DNM3: variants seen among roughly 807,000 people sequenced by gnomAD.
The protein encoded by DNM3 is dynamin-3.
In DNM3, 47 loss-of-function variants were observed where a neutral mutation model predicts 101.6. The ratio of observed to expected loss-of-function variants is 0.46; its 90% CI spans 0.37 to 0.59. The LOEUF is 0.59. Among genes scored for constraint, DNM3 ranks in the 20% least tolerant of loss-of-function variants. The pLI is 0.00. For missense variants in DNM3, 849 were observed against 1,085.7 expected (o/e 0.78, Z 3.06); for synonymous variants, 385 against 387.9 (o/e 0.99, Z 0.09).
At chr1:172,029,623 T>C (rs2048460078) in intron 4 of DNM3, among the ~76,000 whole-genome samples, 1 of 152,202 alleles carries the variant, frequency 6.6e-6, no homozygotes, top group Admixed American at 6.5e-5. Context: ...ATTATCCCTG[T>C]TTGCAGATGA....
At chr1:172,375,754 T>A (rs902345610) in intron 17 of DNM3, among the ~76,000 whole-genome samples, 7 of 151,636 alleles carry the variant, frequency 4.6e-5, no homozygotes, top group African/African-American at 1.7e-4. Context: ...TAAATTAAAA[T>A]TTTCAGCTAC....
At chr1:171,884,957 C>T (rs1308574023) in intron 1 of DNM3, among the ~76,000 whole-genome samples, 1 of 152,158 alleles carries the variant, frequency 6.6e-6, no homozygotes, top group Non-Finnish European at 1.5e-5. Flanking sequence ...ACTACATGTT[C>T]CTTGATGTCA....
At chr1:171,916,357 G>GAA (rs2039710831) in intron 1 of DNM3, among the ~76,000 whole-genome samples, 1 of 152,186 alleles carries the variant, frequency 6.6e-6, no homozygotes, top group Non-Finnish European at 1.5e-5. Context: ...GATTGGTGCT[G>GAA]GCACATGGTA....
Position 172,409,544 on chromosome 1 carries a change from AC to A in DNM3, c.*1704del, listed in dbSNP as rs1274619321. On this transcript the variant is annotated 3_prime_UTR_variant, in exon 21 of 21. Coordinates refer to ENST00000627582, the MANE Select transcript of DNM3 (RefSeq NM_015569.5). Reference sequence around the variant, plus strand: ...TAAGGTTACCAGTGATTGTATAAAAACATCACAATCCTAAATCCTCTCGTAT... The same window carrying A: ...TAAGGTTACCAGTGATTGTATAAAAAATCACAATCCTAAATCCTCTCGTAT... The A allele has an allele frequency of 1.7e-5, 17 of 984,250 alleles. No homozygotes were observed. Among genetic ancestry groups the A allele is most frequent in the Non-Finnish European group, 1.8e-5 (15 of 828,980 alleles). 61.0% of individuals were successfully genotyped at this position (984,250 alleles called of 1,614,324 possible). A position where few individuals can be genotyped will look rare whatever the true frequency, so the allele number is the denominator to read the frequency against.
intron 2 of DNM3, among the ~76,000 whole-genome samples, chr1:171,958,557 G>A (rs572813002): frequency 1.1e-4 from 17 of 152,246 alleles, no homozygotes; most frequent in South Asian, 8.3e-4. Context: ...CAAGGAGCTC[G>A]TGGACAAAGG....
At chr1:172,094,601 ATGG>A (rs997641387) in intron 13 of DNM3, among the ~76,000 whole-genome samples, 2 of 152,166 alleles carry the variant, frequency 1.3e-5, no homozygotes, top group African/African-American at 4.8e-5. Flanking sequence ...TCTCAGGATG[ATGG>A]TGGGATTCAG....
At chr1:172,415,013 G>GT (rs936513917), downstream of DNM3, among the ~76,000 whole-genome samples, 2 of 152,226 alleles carry the variant, frequency 1.3e-5, no homozygotes, top group African/African-American at 4.8e-5. Flanking sequence ...GAGCCCAGGA[G>GT]TTTGAGACTG....
At chr1:171,989,692 T>C (rs1233029873) in intron 4 of DNM3, among the ~76,000 whole-genome samples, 1 of 152,176 alleles carries the variant, frequency 6.6e-6, no homozygotes, top group Non-Finnish European at 1.5e-5. Flanking sequence ...TCCTTTCTTA[T>C]GCGTATGTTT....
At chr1:172,271,560 C>T (rs1218186257) in intron 15 of DNM3, among the ~76,000 whole-genome samples, 1 of 151,944 alleles carries the variant, frequency 6.6e-6, no homozygotes, top group Admixed American at 6.6e-5. Context: ...GAAAACCTGG[C>T]CTCACACAGA....
rs1421284911 is a variant in DNM3 at position 172,257,903 on chromosome 1, CACAG to C, written c.1769+4225_1769+4228del. Among the ~76,000 whole-genome samples the C allele has an allele frequency of 1.1e-4, 16 of 150,078 alleles. No homozygotes were observed. The South Asian group carries it at 1.7e-3, about 16-fold the overall frequency. On this transcript the variant is annotated intron_variant, in intron 15 of 20. Transcript: ENST00000627582. ...ACACACACACACACACACACACACA[CACAG>C]ACAAACAGACACACACACAAACACA...
intron 16 of DNM3, among the ~76,000 whole-genome samples, chr1:172,315,110 T>A (rs1417900866): frequency 1.3e-5 from 2 of 152,222 alleles, no homozygotes; most frequent in Non-Finnish European, 2.9e-5. Context: ...CAGACACCGC[T>A]GCTGATACCC....
rs191459568 is a variant in DNM3 at position 172,330,667 on chromosome 1, C to T, written c.1893+7327C>T. Reference sequence around the variant, plus strand: ...TATGTGATAACCATCCTTTGTGTAACTTTCAAAAAAAGGTTTTGAAATACA... The same window carrying T: ...TATGTGATAACCATCCTTTGTGTAATTTTCAAAAAAAGGTTTTGAAATACA... On this transcript the variant is annotated intron_variant, in intron 17 of 20. Transcript: ENST00000627582. Among the ~76,000 whole-genome samples the T allele has an allele frequency of 3.7e-3, 558 of 151,782 alleles. 4 individuals are homozygous for T. Among genetic ancestry groups the T allele is most frequent in the African/African-American group, 0.013 (535 of 41,410 alleles).
At chr1:171,981,525 G>A (rs985841828) in intron 2 of DNM3, among the ~76,000 whole-genome samples, 4 of 152,158 alleles carry the variant, frequency 2.6e-5, no homozygotes, top group African/African-American at 9.6e-5. Context: ...AGGCATAAAT[G>A]CATCTCATCC....
intron 20 of DNM3, 112 bp downstream of exon 20, chr1:172,388,921 T>C: frequency 3.1e-6 from 3 of 955,292 alleles, no homozygotes; most frequent in Non-Finnish European, 4.7e-6. Flanking sequence ...TCGTACGTGT[T>C]TGCAGTTTTC....
rs756128732 is a variant in DNM3 at position 172,042,020 on chromosome 1, A to G, written c.1004A>G (p.Gln335Arg). 47 of 1,595,898 alleles carry G rather than the reference A, an allele frequency of 2.9e-5. No homozygotes were observed. ...TTTAACAATTACAGGATGGTTCAGC[A>G]ATTTGCTGTGGACTTTGAGAAGAGA... ...KTKALLQMVQ[Q>R]FAVDFEKRIE... The change falls in exon 8 of 21, where the codon CAA becomes CGA. Residue 335 changes from glutamine (Q) to arginine (R), a missense_variant. Gln to Arg is a conservative substitution (Grantham distance 43, BLOSUM62 1). Coordinates refer to ENST00000627582, the MANE Select transcript of DNM3 (RefSeq NM_015569.5).
At chr1:172,191,754 A>G (rs1474542152) in intron 14 of DNM3, among the ~76,000 whole-genome samples, 4 of 152,118 alleles carry the variant, frequency 2.6e-5, no homozygotes, top group Non-Finnish European at 5.9e-5. Flanking sequence ...TTGGATTCCT[A>G]GGTATTTTAT....
chr1:171,911,018 G>T (rs953965336), intron 1 of DNM3, among the ~76,000 whole-genome samples: 3 of 152,168 alleles, frequency 2.0e-5, no homozygotes, highest in Non-Finnish European at 2.9e-5. Context: ...TGAAATTAGT[G>T]TAGAATCCCT....
intron 11 of DNM3, among the ~76,000 whole-genome samples, chr1:172,075,240 A>T (rs774312811): frequency 1.3e-4 from 19 of 151,346 alleles, no homozygotes; most frequent in Non-Finnish European, 2.4e-4. Context: ...GATTGCAAAA[A>T]TTTTTTTCCC....
chr1:171,898,399 A>C (rs1329476006), intron 1 of DNM3, among the ~76,000 whole-genome samples: 2 of 152,156 alleles, frequency 1.3e-5, no homozygotes, highest in Non-Finnish European at 2.9e-5. Flanking sequence ...TGATACAATA[A>C]AATTTATTTT....
Sources: gnomAD v4.1 joint callset for allele counts (sites outside exome capture counted in the v4.1 genomes callset) on GRCh38, gnomAD v4.1.1 for gene constraint, MANE v1.5 for transcripts, NCBI Gene and HGNC (gene_info 2026-07-23, HGNC 2026-07-21) for gene names.